The following CDKL4 variants were observed in gnomAD, a reference collection of about 807,000 sequenced individuals.
The protein encoded by CDKL4 is cyclin dependent kinase like 4.
In CDKL4, 44 loss-of-function variants were observed where a neutral mutation model predicts 42.0. The ratio of observed to expected loss-of-function variants is 1.05; its 90% CI spans 0.82 to 1.35. The LOEUF (loss-of-function observed/expected upper bound fraction) is 1.35. Among genes scored for constraint, CDKL4 ranks in the 40% most tolerant of loss-of-function variants. The probability of loss-of-function intolerance (pLI) is 0.00; values close to 1 mark genes in which losing one functional copy is unlikely to be tolerated. For missense variants in CDKL4, 393 were observed against 369.9 expected (o/e 1.06, Z -0.51); for synonymous variants, 120 against 121.6 (o/e 0.99, Z 0.09).
At chr2:39,239,706 G>A (rs914268758) in intron 1 of CDKL4, among the ~76,000 whole-genome samples, 1 of 152,222 alleles carries the variant, frequency 6.6e-6, no homozygotes, top group African/African-American at 2.4e-5. Flanking sequence ...ATCAAGTGTT[G>A]ATAAGATGGA....
downstream of CDKL4, among the ~76,000 whole-genome samples, chr2:39,172,813 C>G (rs576089232): frequency 6.6e-6 from 1 of 152,132 alleles, no homozygotes; most frequent in Admixed American, 6.6e-5. Context: ...AACTCCTGAC[C>G]TCAGGTGATC....
chr2:39,195,869 G>A (rs1676486133), intron 5 of CDKL4, among the ~76,000 whole-genome samples: 1 of 152,084 alleles, frequency 6.6e-6, no homozygotes, highest in Non-Finnish European at 1.5e-5. Context: ...TGGTTGATAG[G>A]AGGCAGGACT....
intron 4 of CDKL4, among the ~76,000 whole-genome samples, chr2:39,209,774 T>A (rs1238223271): frequency 6.6e-6 from 1 of 152,198 alleles, no homozygotes; most frequent in Non-Finnish European, 1.5e-5. Flanking sequence ...TAGGTCAGAT[T>A]GCCTTTTCTA....
intron 3 of CDKL4, among the ~76,000 whole-genome samples, chr2:39,220,505 G>C (rs1019343436): frequency 6.6e-6 from 1 of 152,162 alleles, no homozygotes; most frequent in African/African-American, 2.4e-5. Flanking sequence ...GGATTTCATG[G>C]GTGTTGGACC....
At chr2:39,239,378 T>C (rs867262590) in intron 1 of CDKL4, among the ~76,000 whole-genome samples, 1 of 152,180 alleles carries the variant, frequency 6.6e-6, no homozygotes, top group South Asian at 2.1e-4. Context: ...CATTAAAATC[T>C]TTTGCTCCTC....
At chr2:39,244,727 C>T (rs1163567003), upstream of CDKL4, among the ~76,000 whole-genome samples, 1 of 152,226 alleles carries the variant, frequency 6.6e-6, no homozygotes, top group Non-Finnish European at 1.5e-5. Flanking sequence ...TTGTTGAAGC[C>T]AGCTGGGCTC....
chr2:39,244,095 A>G (rs1250520135), upstream of CDKL4, among the ~76,000 whole-genome samples: 1 of 152,194 alleles, frequency 6.6e-6, no homozygotes, highest in African/African-American at 2.4e-5. Flanking sequence ...GATCCTTCTG[A>G]GAGGTGACAG....
chr2:39,221,013 G>GTTTTGT (rs1558576037), intron 3 of CDKL4, among the ~76,000 whole-genome samples: 12 of 73,796 alleles, frequency 1.6e-4, no homozygotes, highest in East Asian at 5.2e-4. Flanking sequence ...TTTTTTTTTT[G>GTTTTGT]TTTTGTTTTT....
At chr2:39,224,666 G>A (rs1678583250) in intron 3 of CDKL4, among the ~76,000 whole-genome samples, 1 of 151,890 alleles carries the variant, frequency 6.6e-6, no homozygotes, top group East Asian at 1.9e-4. Context: ...ACCACACCCA[G>A]GTAATTTTTA....
At chr2:39,178,097 A>C (rs115708281) in intron 9 of CDKL4, among the ~76,000 whole-genome samples, 18 of 152,232 alleles carry the variant, frequency 1.2e-4, no homozygotes, top group Non-Finnish European at 2.5e-4. Flanking sequence ...TATAAGCTGC[A>C]TTGGGCTTGA....
intron 8 of CDKL4, among the ~76,000 whole-genome samples, chr2:39,181,653 A>G (rs1339088938): frequency 2.0e-5 from 3 of 152,094 alleles, no homozygotes; most frequent in Non-Finnish European, 4.4e-5. Flanking sequence ...CATGGAGTAC[A>G]CCCCCAACCC....
At chr2:39,239,129 T>C (rs1019345880) in intron 1 of CDKL4, among the ~76,000 whole-genome samples, 1 of 152,090 alleles carries the variant, frequency 6.6e-6, no homozygotes, top group African/African-American at 2.4e-5. Context: ...ACTAGGACCA[T>C]TGGATATCCA....
At chr2:39,204,926 C>G (rs1265366305) in intron 4 of CDKL4, among the ~76,000 whole-genome samples, 1 of 151,048 alleles carries the variant, frequency 6.6e-6, no homozygotes, top group Non-Finnish European at 1.5e-5. Context: ...TGTCCATAAT[C>G]CCAGCACTTT....
chr2:39,236,954 A>G (rs1267884425), intron 1 of CDKL4, among the ~76,000 whole-genome samples: 1 of 152,230 alleles, frequency 6.6e-6, no homozygotes, highest in Non-Finnish European at 1.5e-5. Flanking sequence ...AATACTACCA[A>G]ACATTACCTA....
At chr2:39,182,102 C>T (rs529963200) in intron 8 of CDKL4, among the ~76,000 whole-genome samples, 2 of 152,278 alleles carry the variant, frequency 1.3e-5, no homozygotes, top group South Asian at 2.1e-4. Flanking sequence ...CCGCCTTAGC[C>T]TCCCAAGTAG....
At chr2:39,223,221 G>A (rs752267472) in intron 3 of CDKL4, among the ~76,000 whole-genome samples, 14 of 152,058 alleles carry the variant, frequency 9.2e-5, no homozygotes, top group Non-Finnish European at 1.6e-4. Flanking sequence ...AAAATTAGGG[G>A]AGTCCAATAT....
exon 3 of CDKL4, chr2:39,225,876 G>A (rs778907747): frequency 1.2e-6 from 2 of 1,610,798 alleles, no homozygotes; most frequent in Non-Finnish European, 1.7e-6. Flanking sequence ...AAAAGTGTAT[G>A]ATCACAGTAT....
At chr2:39,195,197 C>T (rs191044595) in intron 5 of CDKL4, among the ~76,000 whole-genome samples, 16 of 152,178 alleles carry the variant, frequency 1.1e-4, no homozygotes, top group East Asian at 9.6e-4. Flanking sequence ...TTTTGTTTAT[C>T]CACTCATCCT....
intron 1 of CDKL4, among the ~76,000 whole-genome samples, chr2:39,234,881 T>C (rs973637925): frequency 6.8e-6 from 1 of 147,252 alleles, no homozygotes; most frequent in African/African-American, 2.7e-5. Flanking sequence ...TAGATAAACA[T>C]TTAAAAAAAA....
Sources: gnomAD v4.1 joint callset for allele counts (sites outside exome capture counted in the v4.1 genomes callset) on GRCh38, gnomAD v4.1.1 for gene constraint, MANE v1.5 for transcripts, NCBI Gene and HGNC (gene_info 2026-07-23, HGNC 2026-07-21) for gene names.